The following LAT variants were observed in gnomAD, a reference collection of about 807,000 sequenced individuals.
The protein encoded by LAT is linker for activation of T-cells family member 1.
Under a neutral mutation model 39.1 loss-of-function variants are expected in LAT, and 12 were observed. The ratio of observed to expected loss-of-function variants is 0.31; its 90% CI spans 0.20 to 0.50. LAT has a LOEUF of 0.50. LAT is among the 20% of genes least tolerant of loss of function. LAT has a pLI of 0.98. For synonymous variants in LAT, 117 were observed against 123.8 expected, an observed-to-expected ratio of 0.95 and a Z score of 0.36; for missense variants, 253 against 308.0, an observed-to-expected ratio of 0.82 and a Z score of 1.34.
chr16:28,989,662 C>T (rs1965830025), intron 9 of LAT, 73 bp downstream of exon 9: 1 of 1,581,270 alleles, frequency 6.3e-7, no homozygotes, highest in African/African-American at 1.3e-5. Flanking sequence ...GTGACCAGAT[C>T]CCACCCTGGG....
intron 8 of LAT, chr16:28,987,536 T>G (rs1389801894): frequency 6.5e-6 from 1 of 152,692 alleles, no homozygotes; most frequent in East Asian, 1.9e-4. Context: ...CCTGGTCACA[T>G]CCTCTGGGCT....
intron 11 of LAT, 81 bp from the exon 12 acceptor site, chr16:28,990,108 G>A: frequency 9.1e-7 from 1 of 1,101,280 alleles, no homozygotes; most frequent in Non-Finnish European, 1.3e-6. Context: ...CCTACCTCTG[G>A]CTTGTCCCTC....
Position 28,985,703 on chromosome 16 carries a change from T to G in LAT, c.101-10T>G. 1 of 1,613,754 alleles carries G rather than the reference T, an allele frequency of 6.2e-7. No individual in the cohort carries two copies. On this transcript the variant is annotated splice_polypyrimidine_tract_variant and intron_variant, in intron 1 of 11. Coordinates refer to ENST00000395456, the MANE Select transcript of LAT (RefSeq NM_001014987.2). This position sits in a 1 kb window ranked among gnomAD's most constrained non-coding sequence, Gnocchi z 4.6. ...CCCTGTTCCTGCCTCACCAGCCCTCTCTTTCCCAGGCTCCTACGACAGCAC... is the reference window on the plus strand; with the variant it reads ...CCCTGTTCCTGCCTCACCAGCCCTCGCTTTCCCAGGCTCCTACGACAGCAC...
At position 28,985,633 on chromosome 16, in the gene LAT, G is replaced by A. The variant is rs529820344; in HGVS notation, c.101-80G>A. ...TCCCTGCCTCCGTCCTGATCCCAGC[G>A]CCTCTGAGAGTCCCTGGATCCCAGC... On this transcript the variant is annotated intron_variant, in intron 1 of 11. Coordinates refer to ENST00000395456, the MANE Select transcript of LAT (RefSeq NM_001014987.2). The surrounding 1 kb of genome is among the most constrained non-coding windows in gnomAD (Gnocchi z 4.6). 16 of 1,607,108 alleles carry A rather than the reference G, an allele frequency of 1.0e-5. No homozygotes were observed. The highest frequency in any genetic ancestry group is 9.4e-5 in the African/African-American group (7 of 74,738).
Position 28,985,626 on chromosome 16 carries a change from T to C in LAT, c.101-87T>C. On this transcript the variant is annotated intron_variant, in intron 1 of 11. Transcript: ENST00000395456. The surrounding 1 kb of genome is among the most constrained non-coding windows in gnomAD (Gnocchi z 4.6). ...GGCTCTGTCCCTGCCTCCGTCCTGA[T>C]CCCAGCGCCTCTGAGAGTCCCTGGA... 1 of 1,606,016 alleles carries C rather than the reference T, an allele frequency of 6.2e-7. No individual in the cohort carries two copies. Among genetic ancestry groups the C allele is most frequent in the Non-Finnish European group, 8.5e-7 (1 of 1,173,376 alleles).
In LAT at chr16:28,986,462, G is replaced by T; in HGVS notation, c.310+16G>T. ...TCTGATGGTGGTAAGTGTGGGGAAGGGTTCAGGCGGCGGGGGCTGGGAAGA... is the reference window on the plus strand; with the variant it reads ...TCTGATGGTGGTAAGTGTGGGGAAGTGTTCAGGCGGCGGGGGCTGGGAAGA... On this transcript the variant is annotated intron_variant, in intron 5 of 11. Transcript: ENST00000395456. This position sits in a 1 kb window ranked among gnomAD's most constrained non-coding sequence, Gnocchi z 5.7. The T allele has an allele frequency of 1.2e-6, 2 of 1,613,828 alleles. No individual in the cohort carries two copies. Among genetic ancestry groups the T allele is most frequent in the Non-Finnish European group, 1.7e-6 (2 of 1,179,878 alleles).
chr16:28,987,258 T>C (rs1965781363), intron 8 of LAT, among the ~76,000 whole-genome samples: 2 of 152,292 alleles, frequency 1.3e-5, no homozygotes, highest in South Asian at 4.1e-4. Context: ...CCTATCTCTG[T>C]GTCCTTTCCT....
At position 28,990,336 on chromosome 16, in the gene LAT, T is replaced by G. The variant is rs1199368417; in HGVS notation, c.*155T>G. On this transcript the variant is annotated 3_prime_UTR_variant, in exon 12 of 12. Coordinates refer to ENST00000395456, the MANE Select transcript of LAT (RefSeq NM_001014987.2). ...ATCCCCCCGTAACTTATTATCACTT[T>G]GGGGTTCGGCCTGTGTCCCCCGAAC... The G allele has an allele frequency of 1.1e-5, 6 of 560,788 alleles. No individual in the cohort carries two copies. Among genetic ancestry groups the G allele is most frequent in the Non-Finnish European group, 2.0e-5 (6 of 296,690 alleles). 34.7% of individuals were successfully genotyped at this position (560,788 alleles called of 1,614,324 possible). A position where few individuals can be genotyped will look rare whatever the true frequency, so the allele number is the denominator to read the frequency against.
chr16:28,986,174 C>T lies in LAT; in HGVS notation c.203C>T (p.Thr68Ile), dbSNP rs1464027583. The T allele has an allele frequency of 1.2e-6, 2 of 1,604,082 alleles. No homozygotes were observed. Among genetic ancestry groups the T allele is most frequent in the East Asian group, 4.5e-5 (2 of 44,852 alleles). ...APWPPAYPPVTSYPPLSQPDL... is the reference protein window; with the variant it reads ...APWPPAYPPVISYPPLSQPDL... ...TGGCCACCTGCCTACCCACCTGTCA[C>T]CTCCTACCCACCCCTGAGCCAGCCA... The change falls in exon 4 of 12, where the codon ACC (threonine) becomes ATC (isoleucine). Residue 68 changes from threonine (T) to isoleucine (I), a missense_variant. By Grantham distance (89) the Thr-to-Ile change is moderately conservative. Transcript: ENST00000395456. The surrounding 1 kb of genome is among the most constrained non-coding windows in gnomAD (Gnocchi z 5.7).
rs1567530823 is a variant in LAT at position 28,985,994 on chromosome 16, C to T, written c.163+106C>T. The T allele has an allele frequency of 6.8e-7, 1 of 1,464,388 alleles. No individual in the cohort carries two copies. The highest frequency in any genetic ancestry group is 9.6e-7 in the Non-Finnish European group (1 of 1,044,508). The allele number at this position is 1,464,388 out of a possible 1,614,324, so 90.7% of individuals were successfully genotyped here. A position where few individuals can be genotyped will look rare whatever the true frequency, so the allele number is the denominator to read the frequency against. ...TCCCCTGCCACCTTGGGGCTGCCCA[C>T]ATGGCCTTGACCTGAGCTGGGAGAG... On this transcript the variant is annotated intron_variant, in intron 3 of 11. Transcript: ENST00000395456. This position sits in a 1 kb window ranked among gnomAD's most constrained non-coding sequence, Gnocchi z 4.6.
chr16:28,986,982 C>A lies in LAT; in HGVS notation c.493+89C>A. ...CATTGTAGCTCGCTGCAGCCTTGAA[C>A]TCCTGGGCTCCAGTGATCCTCCCAA... On this transcript the variant is annotated intron_variant, in intron 8 of 11. Coordinates refer to ENST00000395456, the MANE Select transcript of LAT (RefSeq NM_001014987.2). This position sits in a 1 kb window ranked among gnomAD's most constrained non-coding sequence, Gnocchi z 5.7. 1 of 1,084,826 alleles carries A rather than the reference C, an allele frequency of 9.2e-7. No individual in the cohort carries two copies. The highest frequency in any genetic ancestry group is 1.3e-6 in the Non-Finnish European group (1 of 752,352). The allele number at this position is 1,084,826 out of a possible 1,614,324, so 67.2% of individuals were successfully genotyped here.
chr16:28,986,892 C>T lies in LAT; in HGVS notation c.492C>T (p.Ser164=). The stretch of plus-strand genomic sequence containing the variant: ...CTGGCATCCGAGACAGTGCCTTCTC[C>T]AGTGAGTCAGGCATTTGTTTTTATT... ...STPGIRDSAF[S]MESIDDYVNV... The change falls in exon 8 of 12, where the codon TCC becomes TCT. Residue 164 remains serine, a splice_region_variant and synonymous_variant. Coordinates refer to ENST00000395456, the MANE Select transcript of LAT (RefSeq NM_001014987.2). This position sits in a 1 kb window ranked among gnomAD's most constrained non-coding sequence, Gnocchi z 5.7. 1 of 1,613,298 alleles carries T rather than the reference C, an allele frequency of 6.2e-7. No homozygotes were observed. Among genetic ancestry groups the T allele is most frequent in the Non-Finnish European group, 8.5e-7 (1 of 1,179,442 alleles).
Position 28,985,236 on chromosome 16 carries a change from G to A in LAT, c.-182G>A, listed in dbSNP as rs886687280. ...ACGCACACTCAGCCCAGTAAAAGAG[G>A]GGACCCATCCCGGGAGCCCCGGGGA... On this transcript the variant is annotated 5_prime_UTR_variant, in exon 1 of 12. Coordinates refer to ENST00000395456, the MANE Select transcript of LAT (RefSeq NM_001014987.2). This position sits in a 1 kb window ranked among gnomAD's most constrained non-coding sequence, Gnocchi z 4.6. 1.8e-5 allele frequency: 26 copies of A among 1,436,768 alleles called. No individual in the cohort carries two copies. The African/African-American group carries it at 3.7e-4, about 21-fold the overall frequency. The allele number at this position is 1,436,768 out of a possible 1,614,324, so 89.0% of individuals were successfully genotyped here.
Position 28,990,243 on chromosome 16 carries a change from G to T in LAT, c.*62G>T. ...TTGCCTGGGACGGCTGAGCTGGGCA[G>T]CTGGAAGTGGCTCTGGGGTCCTCAC... On this transcript the variant is annotated 3_prime_UTR_variant, in exon 12 of 12. Transcript: ENST00000395456. 1 of 690,212 alleles carries T rather than the reference G, an allele frequency of 1.4e-6. No homozygotes were observed. 42.8% of individuals were successfully genotyped at this position (690,212 alleles called of 1,614,324 possible). A position where few individuals can be genotyped will look rare whatever the true frequency, so the allele number is the denominator to read the frequency against.
rs774041984 is a variant in LAT, at chr16:28,985,381, TA to T, written c.-36del. The T allele has an allele frequency of 3.7e-6, 6 of 1,611,874 alleles. No individual in the cohort carries two copies. Among genetic ancestry groups the T allele is most frequent in the Admixed American group, 3.3e-5 (2 of 59,970 alleles). On this transcript the variant is annotated 5_prime_UTR_variant, in exon 1 of 12. Coordinates refer to ENST00000395456, the MANE Select transcript of LAT (RefSeq NM_001014987.2). The surrounding 1 kb of genome is among the most constrained non-coding windows in gnomAD (Gnocchi z 4.6). ...GCCTTGACTCTGCCCTTGAGGGGCC[TA>T]GGGGTGCAGCCAGCCTGCTCCGAGC...
upstream of LAT, chr16:28,984,955 T>A (rs753688067): frequency 6.6e-7 from 1 of 1,507,450 alleles, no homozygotes; most frequent in South Asian, 1.3e-5. Flanking sequence ...CTCCCGGGCC[T>A]CCTCCTGCCC....
Position 28,989,753 on chromosome 16 carries a change from CCTT to C in LAT, c.557-18_557-16del. 2 of 1,613,926 alleles carry C rather than the reference CCTT, an allele frequency of 1.2e-6. No homozygotes were observed. The highest frequency in any genetic ancestry group is 1.1e-5 in the South Asian group (1 of 91,078). On this transcript the variant is annotated intron_variant, in intron 9 of 11. Transcript: ENST00000395456. ...CTGACCCCTTTGCGTGGCTGCCCCT[CCTT>C]CTGATCTGTCCCCACAGATGGCAGC...
At position 28,985,542 on chromosome 16, in the gene LAT, C is replaced by T. The variant is rs200047353; in HGVS notation, c.100+25C>T. 1.2e-5 allele frequency: 19 copies of T among 1,609,672 alleles called. No homozygotes were observed. In the East Asian group the frequency reaches 4.2e-4, roughly 36 times the overall value. Reference sequence around the variant, plus strand: ...GGTGAGTGGGAAACTGGTGGGGGTACCCAGGGCCCAGGGACACCGACGGGA... The same window carrying T: ...GGTGAGTGGGAAACTGGTGGGGGTATCCAGGGCCCAGGGACACCGACGGGA... On this transcript the variant is annotated intron_variant, in intron 1 of 11. Coordinates refer to ENST00000395456, the MANE Select transcript of LAT (RefSeq NM_001014987.2). This position sits in a 1 kb window ranked among gnomAD's most constrained non-coding sequence, Gnocchi z 4.6.
At position 28,986,459 on chromosome 16, in the gene LAT, A is replaced by T. The variant is rs1206565073; in HGVS notation, c.310+13A>T. On this transcript the variant is annotated intron_variant, in intron 5 of 11. Coordinates refer to ENST00000395456, the MANE Select transcript of LAT (RefSeq NM_001014987.2). The surrounding 1 kb of genome is among the most constrained non-coding windows in gnomAD (Gnocchi z 5.7). ...GATTCTGATGGTGGTAAGTGTGGGG[A>T]AGGGTTCAGGCGGCGGGGGCTGGGA... The T allele has an allele frequency of 1.9e-6, 3 of 1,613,508 alleles. No homozygotes were observed. Among genetic ancestry groups the T allele is most frequent in the Non-Finnish European group, 2.5e-6 (3 of 1,179,878 alleles).
Sources: allele counts gnomAD v4.1 joint callset (sites outside exome capture counted in the v4.1 genomes callset), GRCh38; gene constraint gnomAD v4.1.1; non-coding constraint Gnocchi (gnomAD v3.1); transcripts MANE v1.5; gene names NCBI Gene and HGNC (gene_info 2026-07-23, HGNC 2026-07-21).